The following PARD3 variants were observed in gnomAD, a reference collection of about 807,000 sequenced individuals.
PARD3 encodes par-3 family cell polarity regulator.
In PARD3, 75 loss-of-function variants were observed where a neutral mutation model predicts 155.4. That is an observed-to-expected ratio of 0.48 (90% CI 0.40 to 0.58). PARD3 has a LOEUF of 0.58. PARD3 is among the 20% of genes least tolerant of loss of function. The pLI is 0.00. For synonymous variants in PARD3, 576 were observed against 610.5 expected (o/e 0.94, Z 0.83); for missense variants, 1,642 against 1,721.7 (o/e 0.95, Z 0.82).
At chr10:34,447,804 C>CAGAAAAAAAA (rs2076829645) in intron 5 of PARD3, among the ~76,000 whole-genome samples, 1 of 143,534 alleles carries the variant, frequency 7.0e-6, no homozygotes, top group African/African-American at 2.7e-5. Flanking sequence ...GACTCTGTCT[C>CAGAAAAAAAA]AAAAGAAAGA....
intron 1 of PARD3, among the ~76,000 whole-genome samples, chr10:34,743,195 A>C (rs1043968041): frequency 4.6e-5 from 7 of 152,198 alleles, no homozygotes; most frequent in African/African-American, 1.7e-4. Context: ...GAAAGAACCA[A>C]AGGCATGGCA....
At chr10:34,443,664 C>A (rs182043322) in intron 5 of PARD3, among the ~76,000 whole-genome samples, 2 of 152,216 alleles carry the variant, frequency 1.3e-5, no homozygotes, top group East Asian at 3.9e-4. Context: ...ATTCAATTAC[C>A]TCCCACCAGG....
chr10:34,660,084 C>A (rs571490228), intron 2 of PARD3, among the ~76,000 whole-genome samples: 3 of 152,246 alleles, frequency 2.0e-5, no homozygotes, highest in Non-Finnish European at 2.9e-5. Context: ...CCCAAATCTT[C>A]CCCTCTATTG....
chr10:34,716,522 G>T (rs1185834761), intron 1 of PARD3, among the ~76,000 whole-genome samples: 1 of 150,862 alleles, frequency 6.6e-6, no homozygotes, highest in Non-Finnish European at 1.5e-5. Flanking sequence ...AGGTTGTGAA[G>T]CTTGAAAGCA....
chr10:34,651,895 A>G (rs1203352695), intron 2 of PARD3, among the ~76,000 whole-genome samples: 1 of 152,212 alleles, frequency 6.6e-6, no homozygotes, highest in Non-Finnish European at 1.5e-5. Flanking sequence ...GGCAAATTTT[A>G]TACTTCAGAG....
chr10:34,790,455 C>T (rs1841493565), intron 1 of PARD3, among the ~76,000 whole-genome samples: 1 of 152,188 alleles, frequency 6.6e-6, no homozygotes, highest in Admixed American at 6.5e-5. Context: ...ACTCTGCTCT[C>T]CCCCTGATAA....
intron 1 of PARD3, among the ~76,000 whole-genome samples, chr10:34,706,767 CAATT>C (rs1564529700): frequency 6.6e-6 from 1 of 151,492 alleles, no homozygotes; most frequent in African/African-American, 2.4e-5. Context: ...TCCCAAAAAT[CAATT>C]AAATTAATTA....
chr10:34,455,540 G>C (rs1251419508), intron 4 of PARD3, among the ~76,000 whole-genome samples: 6 of 151,392 alleles, frequency 4.0e-5, no homozygotes, highest in Non-Finnish European at 5.9e-5. Context: ...GCCGAGGCTG[G>C]AGCCTCGGCA....
chr10:34,395,964 G>A (rs557542701), intron 7 of PARD3, among the ~76,000 whole-genome samples: 4 of 152,264 alleles, frequency 2.6e-5, no homozygotes, highest in South Asian at 2.1e-4. Context: ...GGGGTTGGAG[G>A]ACGAGCTAAT....
At chr10:34,624,447 C>T (rs2091878009) in intron 2 of PARD3, among the ~76,000 whole-genome samples, 1 of 152,220 alleles carries the variant, frequency 6.6e-6, no homozygotes, top group Admixed American at 6.5e-5. Flanking sequence ...GCCACAGAAT[C>T]AGAATAAACA....
At chr10:34,273,672 C>A (rs946832386) in intron 21 of PARD3, among the ~76,000 whole-genome samples, 2 of 152,114 alleles carry the variant, frequency 1.3e-5, no homozygotes, top group Non-Finnish European at 2.9e-5. Context: ...GTACATAGGA[C>A]CTCTTTGTAC....
intron 22 of PARD3, among the ~76,000 whole-genome samples, chr10:34,152,831 T>C (rs1948840211): frequency 6.6e-6 from 1 of 152,144 alleles, no homozygotes; most frequent in South Asian, 2.1e-4. Context: ...AAGTAAGATG[T>C]AGGTGTTAAT....
chr10:34,119,651 G>T lies in PARD3; in HGVS notation c.3630C>A (p.Ser1210Arg). 1.2e-6 allele frequency: 2 copies of T among 1,610,622 alleles called. No homozygotes were observed. Among genetic ancestry groups the T allele is most frequent in the Non-Finnish European group, 8.5e-7 (1 of 1,178,898 alleles). Residue 1210 changes from serine (S) to arginine (R), a missense_variant, in exon 24 of 25, where the codon AGC (serine) becomes AGA (arginine). Transcript: ENST00000374788. ...TGTACTGGCGCTGGGCCTGCTGGGA[G>T]CTCTCGCGCTCCTCCTGCCGCTGCC... ...MQRQRQEERE[S>R]SQQAQRQYSS...
intron 22 of PARD3, among the ~76,000 whole-genome samples, chr10:34,198,465 TGTGTG>T (rs1473000457): frequency 6.6e-6 from 1 of 151,370 alleles, no homozygotes; most frequent in East Asian, 1.9e-4. Context: ...TGTGTGTGTG[TGTGTG>T]TGTGTGTGTG....
chr10:34,259,610 C>A lies in PARD3; in HGVS notation c.3419+10047G>T, dbSNP rs542167916. Among the ~76,000 whole-genome samples, 31 of 152,314 alleles carry A rather than the reference C, an allele frequency of 2.0e-4. No individual in the cohort carries two copies. The South Asian group carries it at 6.2e-3, about 31-fold the overall frequency. On this transcript the variant is annotated intron_variant, in intron 22 of 24. Transcript: ENST00000374788. ...TTTTCACCTGGTGAGATAACATTCA[C>A]AAGTTCCAGAAATTAGGGCGTGGGC...
chr10:34,665,348 C>A (rs59628530), intron 2 of PARD3, among the ~76,000 whole-genome samples: 3,134 of 129,946 alleles, frequency 0.024, 116 homozygotes, highest in African/African-American at 0.1. Context: ...CCTGTATCTG[C>A]TGAAAAAAAC....
intron 3 of PARD3, among the ~76,000 whole-genome samples, chr10:34,510,238 C>T (rs2081324465): frequency 1.3e-5 from 2 of 152,174 alleles, no homozygotes; most frequent in Non-Finnish European, 2.9e-5. Flanking sequence ...CCTGCAGCTA[C>T]CTCATGCCAG....
chr10:34,244,645 TG>T (rs1372847322), intron 22 of PARD3, among the ~76,000 whole-genome samples: 1 of 152,214 alleles, frequency 6.6e-6, no homozygotes, highest in African/African-American at 2.4e-5. Context: ...TTCTGTCCCA[TG>T]TCATTGATAT....
chr10:34,200,809 A>G (rs1349208765), intron 22 of PARD3, among the ~76,000 whole-genome samples: 3 of 152,242 alleles, frequency 2.0e-5, no homozygotes, highest in Non-Finnish European at 4.4e-5. Flanking sequence ...CGCCAGGGCT[A>G]TAAGAGCAGA....
Sources: allele counts gnomAD v4.1 joint callset (sites outside exome capture counted in the v4.1 genomes callset), GRCh38; gene constraint gnomAD v4.1.1; transcripts MANE v1.5; gene names NCBI Gene and HGNC (gene_info 2026-07-23, HGNC 2026-07-21).